The following EPS15 variants were observed in gnomAD, a reference collection of about 807,000 sequenced individuals.
EPS15 encodes epidermal growth factor receptor substrate 15.
EPS15 carries 72 observed loss-of-function variants against 113.8 expected under a neutral mutation model. The ratio of observed to expected loss-of-function variants is 0.63; its 90% CI spans 0.52 to 0.77. EPS15 has a LOEUF of 0.77. Among genes scored for constraint, EPS15 ranks in the 30% least tolerant of loss-of-function variants. The pLI is 0.00. For synonymous variants in EPS15, 344 were observed against 363.4 expected (o/e 0.95, Z 0.61); for missense variants, 1,048 against 1,045.8 (o/e 1.00, Z -0.03).
intron 4 of EPS15, among the ~76,000 whole-genome samples, chr1:51,468,795 A>G (rs530336536): frequency 2.0e-5 from 3 of 152,354 alleles, no homozygotes; most frequent in African/African-American, 7.2e-5. Context: ...GGGAAAATAC[A>G]TACAGATAGT....
chr1:51,393,333 C>T (rs1647580040), intron 21 of EPS15, among the ~76,000 whole-genome samples: 1 of 152,186 alleles, frequency 6.6e-6, no homozygotes, highest in South Asian at 2.1e-4. Flanking sequence ...CCTCAGCCTC[C>T]CAAGTAGCTG....
chr1:51,482,972 C>G (rs903343211), intron 1 of EPS15, among the ~76,000 whole-genome samples: 1 of 152,192 alleles, frequency 6.6e-6, no homozygotes, highest in African/African-American at 2.4e-5. Context: ...TCACTTTCCA[C>G]AGTTTTAGTT....
Position 51,387,248 on chromosome 1 carries a change from A to C in EPS15, c.2119+7133T>G, listed in dbSNP as rs1228799111. On this transcript the variant is annotated intron_variant, in intron 21 of 24. Transcript: ENST00000371733. ...TTCATAAGTGAAGGAGAAATAAAAT[A>C]CTTTACAGACAAGCAAATGCTGAGA... Among the ~76,000 whole-genome samples the C allele has an allele frequency of 3.9e-5, 6 of 152,226 alleles. No homozygotes were observed. The South Asian group carries it at 1.2e-3, about 32-fold the overall frequency.
At position 51,403,496 on chromosome 1, in the gene EPS15, T is replaced by C; in HGVS notation, c.1714A>G (p.Thr572Ala). ...SSPELLPSGV[T>A]DENEVTTAVT... ...GCTGTAGTCACCTCATTTTCATCAG[T>C]CACACCAGAAGGCAGTAGTTCAGGA... The change falls in exon 17 of 25, where the codon ACT (threonine) becomes GCT (alanine). Residue 572 changes from threonine (T) to alanine (A), a missense_variant. Thr to Ala is a moderately conservative substitution (Grantham distance 58). Coordinates refer to ENST00000371733, the MANE Select transcript of EPS15 (RefSeq NM_001981.3). 1 of 1,609,460 alleles carries C rather than the reference T, an allele frequency of 6.2e-7. No individual in the cohort carries two copies. Among genetic ancestry groups the C allele is most frequent in the African/African-American group, 1.3e-5 (1 of 74,898 alleles).
At chr1:51,467,638 G>A (rs1311727004) in intron 5 of EPS15, among the ~76,000 whole-genome samples, 1 of 152,194 alleles carries the variant, frequency 6.6e-6, no homozygotes, top group Non-Finnish European at 1.5e-5. Flanking sequence ...GTTAGGAACT[G>A]AGCTGTATAG....
chr1:51,426,093 CT>C (rs1651176238), intron 12 of EPS15, among the ~76,000 whole-genome samples: 2 of 151,962 alleles, frequency 1.3e-5, no homozygotes, highest in Admixed American at 1.3e-4. Flanking sequence ...TTACTAAATA[CT>C]AAATACAAAC....
intron 15 of EPS15, among the ~76,000 whole-genome samples, chr1:51,407,685 G>T (rs1419782364): frequency 1.3e-5 from 2 of 152,144 alleles, no homozygotes; most frequent in Non-Finnish European, 2.9e-5. Context: ...CAAAACAGAA[G>T]AAACTAGGTT....
At chr1:51,398,338 C>T (rs954126226) in intron 20 of EPS15, among the ~76,000 whole-genome samples, 29 of 152,188 alleles carry the variant, frequency 1.9e-4, no homozygotes, top group Non-Finnish European at 3.1e-4. Flanking sequence ...CAGGCGTGAG[C>T]CACCGCGCCC....
intron 14 of EPS15, 141 bp from the exon 15 acceptor site, chr1:51,408,473 T>C (rs1649353578): frequency 3.1e-6 from 2 of 650,466 alleles, no homozygotes; most frequent in East Asian, 2.7e-5. Flanking sequence ...ATTTATTTAA[T>C]TTAATTTTTG....
intron 13 of EPS15, among the ~76,000 whole-genome samples, chr1:51,411,565 G>A (rs1306527255): frequency 6.6e-6 from 1 of 152,056 alleles, no homozygotes; most frequent in African/African-American, 2.4e-5. Flanking sequence ...TTTTAAATGA[G>A]GAAATAAGTA....
At chr1:51,381,107 C>A (rs1557782700) in intron 21 of EPS15, among the ~76,000 whole-genome samples, 2 of 145,040 alleles carry the variant, frequency 1.4e-5, no homozygotes. Flanking sequence ...CAATATCTCA[C>A]TTTCAATAAG....
At chr1:51,423,528 C>G in intron 12 of EPS15, 2 of 985,360 alleles carry the variant, frequency 2.0e-6, no homozygotes, top group East Asian at 1.1e-4. Context: ...GCACCCTCCC[C>G]CCATCCCAAA....
At chr1:51,503,006 C>CAAAAAAAAAAAAAAA (rs56340331) in intron 1 of EPS15, among the ~76,000 whole-genome samples, 16 of 67,424 alleles carry the variant, frequency 2.4e-4, no homozygotes, top group African/African-American at 4.5e-4. Context: ...GACTCTGTCT[C>CAAAAAAAAAAAAAAA]AAAAAAAAAA....
intron 1 of EPS15, among the ~76,000 whole-genome samples, chr1:51,508,895 T>C (rs1644570451): frequency 6.6e-6 from 1 of 152,206 alleles, no homozygotes; most frequent in Non-Finnish European, 1.5e-5. Flanking sequence ...TAGATTTATG[T>C]TATCCTTTCA....
chr1:51,427,497 G>A (rs1470355062), intron 12 of EPS15, among the ~76,000 whole-genome samples: 1 of 152,194 alleles, frequency 6.6e-6, no homozygotes, highest in Non-Finnish European at 1.5e-5. Context: ...ACAATGCAGT[G>A]TACTAGGTGC....
At chr1:51,481,446 T>G in intron 1 of EPS15, 132 bp from the exon 2 acceptor site, 1 of 607,634 alleles carries the variant, frequency 1.6e-6, no homozygotes, top group Non-Finnish European at 3.0e-6. Context: ...GGGGTTAGAT[T>G]TTGTTTCTTC....
chr1:51,501,448 A>G (rs1328950070), intron 1 of EPS15, among the ~76,000 whole-genome samples: 1 of 151,966 alleles, frequency 6.6e-6, no homozygotes, highest in Non-Finnish European at 1.5e-5. Flanking sequence ...ACTCATTGGT[A>G]GTATTATTAG....
chr1:51,444,250 G>A (rs946893850), intron 11 of EPS15, among the ~76,000 whole-genome samples: 1 of 152,190 alleles, frequency 6.6e-6, no homozygotes, highest in Non-Finnish European at 1.5e-5. Flanking sequence ...ATACTAGGAA[G>A]GGTTTCTACA....
At chr1:51,411,570 T>C (rs564606759) in intron 13 of EPS15, among the ~76,000 whole-genome samples, 5 of 152,204 alleles carry the variant, frequency 3.3e-5, no homozygotes, top group Non-Finnish European at 7.4e-5. Context: ...AATGAGGAAA[T>C]AAGTACATTT....
Sources: allele counts gnomAD v4.1 joint callset (sites outside exome capture counted in the v4.1 genomes callset), GRCh38; gene constraint gnomAD v4.1.1; transcripts MANE v1.5; gene names NCBI Gene and HGNC (gene_info 2026-07-23, HGNC 2026-07-21).